Variants in CADPS observed in about 807,000 individuals in gnomAD.
The protein encoded by CADPS is calcium dependent secretion activator.
A neutral mutation model predicts 167.3 loss-of-function variants in CADPS; 57 were observed. The ratio of observed to expected loss-of-function variants is 0.34; its 90% CI spans 0.28 to 0.42. CADPS has a LOEUF of 0.42. Ranked by LOEUF, CADPS falls within the 20% of genes least tolerant of loss-of-function variation. CADPS has a pLI of 1.00. For missense variants in CADPS, 1,414 were observed against 1,738.1 expected (o/e 0.81, Z 3.32); for synonymous variants, 676 against 635.3 (o/e 1.06, Z -0.96).
At chr3:62,705,529 G>GAC (rs1034492397) in intron 3 of CADPS, among the ~76,000 whole-genome samples, 5 of 152,134 alleles carry the variant, frequency 3.3e-5, no homozygotes, top group African/African-American at 1.2e-4. Flanking sequence ...GGGAAAGGCA[G>GAC]ACCCACATGC....
intron 1 of CADPS, among the ~76,000 whole-genome samples, chr3:62,770,672 T>C (rs1188137659): frequency 6.6e-6 from 1 of 152,216 alleles, no homozygotes; most frequent in Non-Finnish European, 1.5e-5. Context: ...GTGATCCACC[T>C]GCCTTGGCCT....
intron 5 of CADPS, 45 bp downstream of exon 5, chr3:62,650,802 C>T: frequency 6.9e-7 from 1 of 1,454,230 alleles, no homozygotes; most frequent in Non-Finnish European, 9.6e-7. Flanking sequence ...CGCCCATGTC[C>T]TACTTGCTGT....
At chr3:62,784,238 G>A (rs1042113780) in intron 1 of CADPS, among the ~76,000 whole-genome samples, 1 of 152,088 alleles carries the variant, frequency 6.6e-6, no homozygotes, top group East Asian at 1.9e-4. Context: ...TATTTAAATC[G>A]TAACATTACT....
chr3:62,502,454 AAC>A (rs1413560334), intron 17 of CADPS, among the ~76,000 whole-genome samples: 3 of 152,240 alleles, frequency 2.0e-5, no homozygotes, highest in African/African-American at 4.8e-5. Flanking sequence ...TGAAGCTCAT[AAC>A]ACAGAAAAAA....
intron 20 of CADPS, among the ~76,000 whole-genome samples, chr3:62,491,709 A>G (rs903043537): frequency 1.3e-5 from 2 of 152,206 alleles, no homozygotes; most frequent in African/African-American, 4.8e-5. Flanking sequence ...CTTGGTATTG[A>G]TCTTCTAAAA....
intron 28 of CADPS, among the ~76,000 whole-genome samples, chr3:62,424,190 C>CT (rs11393225): frequency 0.099 from 14,629 of 148,056 alleles, 847 homozygotes; most frequent in East Asian, 0.22. Flanking sequence ...GGATAATTCA[C>CT]TTTTTTTTTT....
At chr3:62,525,406 G>T (rs185514081) in intron 13 of CADPS, among the ~76,000 whole-genome samples, 1 of 152,224 alleles carries the variant, frequency 6.6e-6, no homozygotes, top group East Asian at 1.9e-4. Flanking sequence ...AGAATTTAGA[G>T]AGCATGACTC....
At chr3:62,627,070 TTCTTAA>T (rs1282890247) in intron 6 of CADPS, among the ~76,000 whole-genome samples, 4 of 152,242 alleles carry the variant, frequency 2.6e-5, no homozygotes, top group African/African-American at 7.2e-5. Context: ...TGAGGATTTA[TTCTTAA>T]TCTTAAGTTC....
At chr3:62,708,919 T>C (rs895939535) in intron 3 of CADPS, among the ~76,000 whole-genome samples, 1 of 151,884 alleles carries the variant, frequency 6.6e-6, no homozygotes, top group Non-Finnish European at 1.5e-5. Flanking sequence ...AGAACACAAT[T>C]AGCTACTGGA....
Position 62,412,311 on chromosome 3 carries a change from C to T in CADPS, c.3778-9126G>A, listed in dbSNP as rs921612559. ...TCACTGACGGAGGAGTCTGAGACAA[C>T]GTGCTACAACCAGTTTCAGAGACTA... On this transcript the variant is annotated intron_variant, in intron 28 of 29. Coordinates refer to ENST00000383710, the MANE Select transcript of CADPS (RefSeq NM_003716.4). The surrounding 1 kb of genome is among the most constrained non-coding windows in gnomAD (Gnocchi z 4.1). 7.5e-4 allele frequency among the ~76,000 whole-genome samples: 46 copies of T among 61,452 alleles called. No homozygotes were observed. The highest frequency in any genetic ancestry group is 1.4e-3 in the Non-Finnish European group (32 of 23,040). The allele number at this position is 61,452 out of a possible 152,430, so 40.3% of individuals were successfully genotyped here. A position where few individuals can be genotyped will look rare whatever the true frequency, so the allele number is the denominator to read the frequency against.
chr3:62,689,250 C>T (rs574821962), intron 3 of CADPS, among the ~76,000 whole-genome samples: 7 of 152,132 alleles, frequency 4.6e-5, no homozygotes, highest in East Asian at 3.9e-4. Flanking sequence ...ATGCATTCCT[C>T]CATTCCATTT....
At chr3:62,659,585 C>T (rs746606473) in intron 4 of CADPS, among the ~76,000 whole-genome samples, 1 of 152,168 alleles carries the variant, frequency 6.6e-6, no homozygotes, top group Non-Finnish European at 1.5e-5. Context: ...CATCTTTTCC[C>T]TATATGGAAG....
rs34987223 is a variant in CADPS at position 62,862,217 on chromosome 3, GTTT to G, written c.441+12369_441+12371del. Among the ~76,000 whole-genome samples, 181 of 131,800 alleles carry G rather than the reference GTTT, an allele frequency of 1.4e-3. 1 individual carries two copies. Among genetic ancestry groups the G allele is most frequent in the African/African-American group, 4.8e-3 (172 of 35,832 alleles). The allele number at this position is 131,800 out of a possible 152,430, so 86.5% of individuals were successfully genotyped here. On this transcript the variant is annotated intron_variant, in intron 1 of 29. Transcript: ENST00000383710. ...AATATTGATAGCATTGAAAACAGTG[GTTT>G]TTTTTTTTTTTTTTTTAGACAGAGT...
chr3:62,778,518 T>C (rs1247771721), intron 1 of CADPS, among the ~76,000 whole-genome samples: 1 of 152,222 alleles, frequency 6.6e-6, no homozygotes, highest in Non-Finnish European at 1.5e-5. Context: ...CTCTGAATGA[T>C]ACCTCTTTAG....
At chr3:62,593,006 T>G (rs1338194602) in intron 6 of CADPS, among the ~76,000 whole-genome samples, 2 of 152,228 alleles carry the variant, frequency 1.3e-5, no homozygotes, top group Admixed American at 1.3e-4. Context: ...TAGCATAAAC[T>G]CATGTTGGTG....
intron 28 of CADPS, among the ~76,000 whole-genome samples, chr3:62,410,597 C>T (rs540923673): frequency 5.1e-4 from 78 of 152,246 alleles, no homozygotes; most frequent in Middle Eastern, 6.8e-3. Flanking sequence ...TTCCTAACAC[C>T]GCTGTGCCTC....
At chr3:62,572,641 AACTT>A (rs1349841800) in intron 8 of CADPS, among the ~76,000 whole-genome samples, 27 of 152,286 alleles carry the variant, frequency 1.8e-4, no homozygotes, top group Non-Finnish European at 7.3e-5. Flanking sequence ...TCTTTAAATT[AACTT>A]ACTTAACATG....
intron 28 of CADPS, among the ~76,000 whole-genome samples, chr3:62,424,653 C>G (rs146723963): frequency 6.6e-6 from 1 of 151,990 alleles, no homozygotes; most frequent in Non-Finnish European, 1.5e-5. Context: ...CAAAAGTTGT[C>G]GAAACAGAAA....
chr3:62,825,094 T>A (rs949125906), intron 1 of CADPS, among the ~76,000 whole-genome samples: 3 of 152,192 alleles, frequency 2.0e-5, no homozygotes, highest in African/African-American at 7.2e-5. Context: ...ATATGCTTGA[T>A]AATTTCACAG....
Sources: allele counts gnomAD v4.1 joint callset (sites outside exome capture counted in the v4.1 genomes callset), GRCh38; gene constraint gnomAD v4.1.1; non-coding constraint Gnocchi (gnomAD v3.1); transcripts MANE v1.5; gene names NCBI Gene and HGNC (gene_info 2026-07-23, HGNC 2026-07-21).